Variants in ITPRID2 observed in about 807,000 individuals in gnomAD.
The protein encoded by ITPRID2 is ITPR interacting domain containing 2, also known as protein ITPRID2.
ITPRID2 carries 60 observed loss-of-function variants against 124.3 expected under a neutral mutation model. The ratio of observed to expected loss-of-function variants is 0.48; its 90% confidence interval spans 0.39 to 0.60. The LOEUF (loss-of-function observed/expected upper bound fraction) is 0.60. Ranked by LOEUF, ITPRID2 falls within the 20% of genes least tolerant of loss-of-function variation. ITPRID2 has a pLI of 0.00. For missense variants in ITPRID2, 1,553 were observed against 1,512.2 expected (o/e 1.03, Z -0.45); for synonymous variants, 521 against 542.9 (o/e 0.96, Z 0.56).
Position 181,902,498 on chromosome 2 carries a change from G to C in ITPRID2, c.1413+32G>C, listed in dbSNP as rs1288404781. On this transcript the variant is annotated intron_variant, in intron 8 of 17. Coordinates refer to ENST00000431877, the MANE Select transcript of ITPRID2 (RefSeq NM_001130445.3). This position sits in a 1 kb window ranked among gnomAD's most constrained non-coding sequence, Gnocchi z 4.4. Reference sequence around the variant, plus strand: ...AAAAAATTACTGAGACTGGTTTCAAGTTGCAGACTAGGAAAAAAAGTACCA... The same window carrying C: ...AAAAAATTACTGAGACTGGTTTCAACTTGCAGACTAGGAAAAAAAGTACCA... 2 of 1,445,168 alleles carry C rather than the reference G, an allele frequency of 1.4e-6. No individual in the cohort carries two copies. Among genetic ancestry groups the C allele is most frequent in the Non-Finnish European group, 1.8e-6 (2 of 1,082,984 alleles). The allele number at this position is 1,445,168 out of a possible 1,614,324, so 89.5% of individuals were successfully genotyped here.
rs112942764 is a variant in ITPRID2, at chr2:181,922,312, C to T, written c.3575C>T (p.Ser1192Phe). The T allele has an allele frequency of 6.2e-7, 1 of 1,614,180 alleles. No homozygotes were observed. The highest frequency in any genetic ancestry group is 8.5e-7 in the Non-Finnish European group (1 of 1,180,040). The change falls in exon 16 of 18, where the codon TCT becomes TTT. Residue 1192 changes from serine to phenylalanine, a missense_variant. Ser to Phe is a radical substitution (Grantham distance 155). Transcript: ENST00000431877. Reference protein sequence around the residue: ...EGAPEVVGPKSEVEEGHGKLP... With the variant: ...EGAPEVVGPKFEVEEGHGKLP... Reference sequence around the variant, plus strand: ...GCCCCAGAAGTTGTAGGACCTAAATCTGAAGTGGAAGAAGGGCATGGAAAA... The same window carrying T: ...GCCCCAGAAGTTGTAGGACCTAAATTTGAAGTGGAAGAAGGGCATGGAAAA...
chr2:181,922,155 AC>A lies in ITPRID2; in HGVS notation c.3422del (p.Pro1141HisfsTer2). The A allele has an allele frequency of 6.2e-7, 1 of 1,614,158 alleles. No individual in the cohort carries two copies. The highest frequency in any genetic ancestry group is 8.5e-7 in the Non-Finnish European group (1 of 1,180,036). The stretch of plus-strand genomic sequence containing the variant: ...TACTGCCTCAGTGGGCAAATCCAAA[AC>A]CCCATTAGTGGCAAGGAAGAAAGTG... ...PSTASVGKSK[T>X]PLVARKKVFR... is the part of the protein sequence containing the mutation. On this transcript the variant is annotated frameshift_variant, in exon 16 of 18. Transcript: ENST00000431877. LOFTEE classifies it high-confidence loss of function.
At chr2:181,893,490 TG>T (rs1171153820) in intron 2 of ITPRID2, 2 of 152,232 alleles carry the variant, frequency 1.3e-5, no homozygotes, top group African/African-American at 4.8e-5. Flanking sequence ...TGTTTTGTTG[TG>T]GAAAGTGATT....
At chr2:181,904,592 A>G (rs541404200) in intron 8 of ITPRID2, among the ~76,000 whole-genome samples, 1 of 152,336 alleles carries the variant, frequency 6.6e-6, no homozygotes, top group South Asian at 2.1e-4. Context: ...ACTGACTTTT[A>G]GATCCTATTC....
chr2:181,919,253 A>G lies in ITPRID2; in HGVS notation c.2994-43A>G, dbSNP rs1411897997. 1 of 1,608,700 alleles carries G rather than the reference A, an allele frequency of 6.2e-7. No homozygotes were observed. The highest frequency in any genetic ancestry group is 8.5e-7 in the Non-Finnish European group (1 of 1,178,538). On this transcript the variant is annotated intron_variant, in intron 13 of 17. Coordinates refer to ENST00000431877, the MANE Select transcript of ITPRID2 (RefSeq NM_001130445.3). This position sits in a 1 kb window ranked among gnomAD's most constrained non-coding sequence, Gnocchi z 4.2. The stretch of plus-strand genomic sequence containing the variant: ...GAAAGATTTGTGATTAGGAATCTCC[A>G]AACTGCATTTTTCCAATTTTGTGCC...
intron 11 of ITPRID2, chr2:181,918,096 A>G (rs187594107): frequency 3.0e-5 from 5 of 166,722 alleles, no homozygotes; most frequent in African/African-American, 1.2e-4. Context: ...GAATTTTTTT[A>G]AAATTTCCTT....
At chr2:181,921,914 A>C (rs1438662895) in intron 15 of ITPRID2, 34 bp from the exon 16 acceptor site, 4 of 1,574,188 alleles carry the variant, frequency 2.5e-6, no homozygotes, top group Non-Finnish European at 3.5e-6. Context: ...CTTAATTCCA[A>C]GAGAGAAGAA....
rs75144193 is a variant in ITPRID2, at chr2:181,929,368, A to G, written c.*14-193A>G. Among the ~76,000 whole-genome samples the G allele has an allele frequency of 6.4e-3, 972 of 152,230 alleles. 8 individuals carry two copies. The highest frequency in any genetic ancestry group is 0.022 in the African/African-American group (925 of 41,518). On this transcript the variant is annotated intron_variant, in intron 17 of 17. Transcript: ENST00000431877. ...AGTATTTTAATAAATTATGTCACAA[A>G]GCAATTAATAGGAATTATTTTTTTT...
chr2:181,903,075 C>T (rs942878378), intron 8 of ITPRID2, among the ~76,000 whole-genome samples: 1 of 152,016 alleles, frequency 6.6e-6, no homozygotes, highest in Non-Finnish European at 1.5e-5. Context: ...TATTTGTGTC[C>T]AGTAATATAC....
Position 181,919,285 on chromosome 2 carries a change from C to CTT in ITPRID2, c.2994-11_2994-10insTT. On this transcript the variant is annotated splice_polypyrimidine_tract_variant and intron_variant, in intron 13 of 17. Coordinates refer to ENST00000431877, the MANE Select transcript of ITPRID2 (RefSeq NM_001130445.3). The surrounding 1 kb of genome is among the most constrained non-coding windows in gnomAD (Gnocchi z 4.2). ...ATTTTTCCAATTTTGTGCCCTTCAC[C>CTT]ATACCAATAGGTTTGAAGTTGATCA... The CTT allele has an allele frequency of 6.2e-7, 1 of 1,613,644 alleles. No individual in the cohort carries two copies. Among genetic ancestry groups the CTT allele is most frequent in the South Asian group, 1.1e-5 (1 of 91,058 alleles).
Position 181,892,931 on chromosome 2 carries a change from A to T in ITPRID2, c.257+271A>T, listed in dbSNP as rs1691884016. 2 of 548,780 alleles carry T rather than the reference A, an allele frequency of 3.6e-6. No homozygotes were observed. Among genetic ancestry groups the T allele is most frequent in the Admixed American group, 6.1e-5 (2 of 32,754 alleles). 34.0% of individuals were successfully genotyped at this position (548,780 alleles called of 1,614,324 possible). On this transcript the variant is annotated intron_variant, in intron 2 of 17. Coordinates refer to ENST00000431877, the MANE Select transcript of ITPRID2 (RefSeq NM_001130445.3). The surrounding 1 kb of genome is among the most constrained non-coding windows in gnomAD (Gnocchi z 5.2). ...CAGAGATCAGAAATCCAGAACAGAT[A>T]ATCATGCCATATTTGTTCTGTTTTT...
At chr2:181,926,037 G>T (rs1422044150) in intron 16 of ITPRID2, among the ~76,000 whole-genome samples, 1 of 152,146 alleles carries the variant, frequency 6.6e-6, no homozygotes, top group African/African-American at 2.4e-5. Context: ...ACTTTGGGAG[G>T]CCGAGGTGGG....
rs1164160468 is a variant in ITPRID2 at position 181,907,163 on chromosome 2, A to T, written c.1414-2736A>T. 6.6e-6 allele frequency among the ~76,000 whole-genome samples: 1 copy of T among 152,182 alleles called. No individual in the cohort carries two copies. Among genetic ancestry groups the T allele is most frequent in the Non-Finnish European group, 1.5e-5 (1 of 68,024 alleles). On this transcript the variant is annotated intron_variant, in intron 8 of 17. Transcript: ENST00000431877. The surrounding 1 kb of genome is among the most constrained non-coding windows in gnomAD (Gnocchi z 5.1). ...GCTGTCCTGTGCAATACAATACAGT[A>T]GTATTGTGCCTAGAAGATCCCTCTT...
intron 17 of ITPRID2, among the ~76,000 whole-genome samples, chr2:181,928,842 G>A (rs1190562746): frequency 2.6e-5 from 4 of 152,010 alleles, no homozygotes; most frequent in African/African-American, 9.7e-5. Flanking sequence ...TAGCCGGGAT[G>A]GTCTCGATCT....
At position 181,921,955 on chromosome 2, in the gene ITPRID2, A is replaced by T. The variant is rs902600150; in HGVS notation, c.3218A>T (p.Glu1073Val). Reference sequence around the variant, plus strand: ...TTTTTTTATGATCTCCAGGTCACTGAACTGATGCAGGAGCAGTCATACCTG... The same window carrying T: ...TTTTTTTATGATCTCCAGGTCACTGTACTGATGCAGGAGCAGTCATACCTG... The part of the protein sequence containing the change: ...SPLNVMEPVT[E>V]LMQEQSYLKS... Residue 1073 changes from glutamate to valine, a missense_variant, in exon 16 of 18, where the codon GAA becomes GTA. Glu to Val is a moderately radical substitution (Grantham distance 121). Coordinates refer to ENST00000431877, the MANE Select transcript of ITPRID2 (RefSeq NM_001130445.3). 6.2e-7 allele frequency: 1 copy of T among 1,613,824 alleles called. No homozygotes were observed. The highest frequency in any genetic ancestry group is 1.1e-5 in the South Asian group (1 of 91,026).
chr2:181,913,018 T>G (rs1693727511), intron 9 of ITPRID2, among the ~76,000 whole-genome samples: 2 of 152,220 alleles, frequency 1.3e-5, no homozygotes, highest in Admixed American at 1.3e-4. Flanking sequence ...GACATTTAAG[T>G]ATGCTTGCAT....
chr2:181,916,240 C>T lies in ITPRID2; in HGVS notation c.2600C>T (p.Thr867Ile). 6.2e-7 allele frequency: 1 copy of T among 1,614,218 alleles called. No individual in the cohort carries two copies. The highest frequency in any genetic ancestry group is 1.3e-5 in the African/African-American group (1 of 75,050). ...TGTGAGCACACAAGAACTCTGAGCA[C>T]TCACAGTGTTCCCAACATATCAGGG... ...PLCEHTRTLSTHSVPNISGAT... is the reference protein window; with the variant it reads ...PLCEHTRTLSIHSVPNISGAT... The change falls in exon 11 of 18, where the codon ACT becomes ATT. Residue 867 changes from threonine (T) to isoleucine (I), a missense_variant. Transcript: ENST00000431877.
Position 181,918,840 on chromosome 2 carries a change from G to A in ITPRID2, c.2951G>A (p.Arg984His), listed in dbSNP as rs369300058. Residue 984 changes from arginine to histidine, a missense_variant, in exon 13 of 18, where the codon CGT becomes CAT. Arg to His is a conservative substitution (Grantham distance 29). Transcript: ENST00000431877. ...ATGGATTTAGAATTGGCAATGCTGC[G>A]TCAGCAAACCATGGTTTATCATCAT... ...QMMDLELAML[R>H]QQTMVYHHMT... The A allele has an allele frequency of 5.0e-5, 80 of 1,614,056 alleles. No individual in the cohort carries two copies. The highest frequency in any genetic ancestry group is 1.6e-4 in the Middle Eastern group (1 of 6,074).
chr2:181,929,147 T>A (rs915650565), intron 17 of ITPRID2, among the ~76,000 whole-genome samples: 1 of 151,764 alleles, frequency 6.6e-6, no homozygotes, highest in African/African-American at 2.4e-5. Context: ...AGTCTTAAAC[T>A]CCTAGCCTCA....
Sources: allele counts gnomAD v4.1 joint callset (sites outside exome capture counted in the v4.1 genomes callset), GRCh38; gene constraint gnomAD v4.1.1; non-coding constraint Gnocchi (gnomAD v3.1); transcripts MANE v1.5; gene names NCBI Gene and HGNC (gene_info 2026-07-23, HGNC 2026-07-21).